Variants in RIPOR2 observed in about 807,000 individuals in gnomAD.
RIPOR2 encodes rho family-interacting cell polarization regulator 2.
A neutral mutation model predicts 114.5 loss-of-function variants in RIPOR2; 39 were observed. The ratio of observed to expected loss-of-function variants is 0.34; its 90% CI spans 0.26 to 0.44. RIPOR2 has a LOEUF of 0.44. Ranked by LOEUF, RIPOR2 falls within the 20% of genes least tolerant of loss-of-function variation. The pLI, the probability that RIPOR2 is intolerant of heterozygous loss-of-function variation, is 1.00. For synonymous variants in RIPOR2, 445 were observed against 484.4 expected (o/e 0.92, Z 1.07); for missense variants, 1,007 against 1,255.1 (o/e 0.80, Z 2.99).
chr6:24,894,811 A>G (rs927974252), intron 1 of RIPOR2, among the ~76,000 whole-genome samples: 1 of 152,228 alleles, frequency 6.6e-6, no homozygotes, highest in African/African-American at 2.4e-5. Context: ...TTTGCTATTC[A>G]GAGAGTAACA....
chr6:24,887,307 G>A (rs924367396), intron 1 of RIPOR2, among the ~76,000 whole-genome samples: 4 of 152,144 alleles, frequency 2.6e-5, no homozygotes, highest in Non-Finnish European at 1.5e-5. Flanking sequence ...TACAGGGTAA[G>A]ATACCAAAAT....
chr6:24,849,359 T>C (rs1762628911), intron 11 of RIPOR2, among the ~76,000 whole-genome samples: 1 of 152,230 alleles, frequency 6.6e-6, no homozygotes, highest in Non-Finnish European at 1.5e-5. Context: ...ACTCATAATT[T>C]TCCAGAGCAG....
At chr6:24,981,251 C>T (rs1337558911) in intron 1 of RIPOR2, among the ~76,000 whole-genome samples, 3 of 152,192 alleles carry the variant, frequency 2.0e-5, no homozygotes, top group Non-Finnish European at 2.9e-5. Context: ...TCCCAGGTTC[C>T]CTTCCCCATA....
At chr6:24,962,435 G>A (rs1272580925) in intron 1 of RIPOR2, among the ~76,000 whole-genome samples, 1 of 152,210 alleles carries the variant, frequency 6.6e-6, no homozygotes, top group Non-Finnish European at 1.5e-5. Context: ...AATAAAGCTT[G>A]CATCTAGAGC....
intron 7 of RIPOR2, among the ~76,000 whole-genome samples, 195 bp from the exon 8 acceptor site, chr6:24,861,231 G>A (rs1165198910): frequency 6.6e-6 from 1 of 152,182 alleles, no homozygotes; most frequent in Admixed American, 6.5e-5. Flanking sequence ...TTAGTGTACA[G>A]GAAATTTAGG....
chr6:24,819,490 T>TA (rs1230396283), intron 19 of RIPOR2, among the ~76,000 whole-genome samples: 1 of 151,582 alleles, frequency 6.6e-6, no homozygotes, highest in Non-Finnish European at 1.5e-5. Flanking sequence ...ATGCTCTGTT[T>TA]AAAAAATCTC....
chr6:25,004,305 C>T (rs968999468), intron 1 of RIPOR2, among the ~76,000 whole-genome samples: 4 of 152,138 alleles, frequency 2.6e-5, no homozygotes, highest in African/African-American at 9.7e-5. Flanking sequence ...GGCTTTAGAC[C>T]ACCAAAGTCA....
chr6:25,038,682 T>C (rs1037467553), intron 1 of RIPOR2, among the ~76,000 whole-genome samples: 1 of 152,132 alleles, frequency 6.6e-6, no homozygotes, highest in Admixed American at 6.5e-5. Context: ...TTAGATGAGA[T>C]TGCAGCCCCA....
chr6:24,851,521 G>A (rs1762913048), intron 9 of RIPOR2, among the ~76,000 whole-genome samples: 1 of 152,128 alleles, frequency 6.6e-6, no homozygotes, highest in Non-Finnish European at 1.5e-5. Flanking sequence ...CTGCTTTAAT[G>A]TTTAAGGGAA....
chr6:24,987,494 G>C (rs1774581143), intron 1 of RIPOR2, among the ~76,000 whole-genome samples: 1 of 152,218 alleles, frequency 6.6e-6, no homozygotes. Context: ...TCATGGAACA[G>C]AGAGGCTCAC....
At chr6:24,909,876 C>T (rs113111286) in intron 1 of RIPOR2, among the ~76,000 whole-genome samples, 2 of 152,190 alleles carry the variant, frequency 1.3e-5, no homozygotes, top group African/African-American at 4.8e-5. Flanking sequence ...GCGCCACCCC[C>T]ATCCCAGCAG....
chr6:25,000,442 A>T (rs1196902895), intron 1 of RIPOR2, among the ~76,000 whole-genome samples: 1 of 152,234 alleles, frequency 6.6e-6, no homozygotes, highest in East Asian at 1.9e-4. Flanking sequence ...TCCCTGACAC[A>T]TAGTAAGTGC....
At chr6:24,986,172 C>A (rs1469477133) in intron 1 of RIPOR2, among the ~76,000 whole-genome samples, 1 of 152,154 alleles carries the variant, frequency 6.6e-6, no homozygotes, top group Admixed American at 6.5e-5. Context: ...TGTATGTGCA[C>A]TCATTTAATC....
chr6:24,839,319 G>A lies in RIPOR2; in HGVS notation c.1858-47C>T, dbSNP rs776033455. 3.3e-6 allele frequency: 5 copies of A among 1,508,200 alleles called. No individual in the cohort carries two copies. The South Asian group carries it at 6.4e-5, about 19-fold the overall frequency. 93.4% of individuals were successfully genotyped at this position (1,508,200 alleles called of 1,614,324 possible). A position where few individuals can be genotyped will look rare whatever the true frequency, so the allele number is the denominator to read the frequency against. ...GGGAGAACATCAACATATCCGGAAA[G>A]AGAAACCAGACACACGATGCTCAAT... is the stretch of plus-strand genomic sequence containing the variant. On this transcript the variant is annotated intron_variant, in intron 13 of 21. Coordinates refer to ENST00000643898, the MANE Select transcript of RIPOR2 (RefSeq NM_001286445.3).
chr6:24,865,158 C>T, intron 7 of RIPOR2, 143 bp downstream of exon 7: 1 of 646,540 alleles, frequency 1.5e-6, no homozygotes, highest in Non-Finnish European at 2.5e-6. Flanking sequence ...TTCTTGCATA[C>T]TTTTTAGGCT....
chr6:24,845,895 AG>A (rs953730323), intron 12 of RIPOR2, among the ~76,000 whole-genome samples: 1 of 152,132 alleles, frequency 6.6e-6, no homozygotes, highest in Non-Finnish European at 1.5e-5. Context: ...TCCTGAAAGG[AG>A]GTGGTGCATT....
chr6:25,027,100 G>T (rs1400687195), intron 1 of RIPOR2, among the ~76,000 whole-genome samples: 2 of 152,104 alleles, frequency 1.3e-5, no homozygotes, highest in African/African-American at 4.8e-5. Context: ...AAACAAAAAA[G>T]CAAGCTCATT....
At chr6:25,039,807 G>C (rs190650472) in intron 1 of RIPOR2, among the ~76,000 whole-genome samples, 1 of 152,160 alleles carries the variant, frequency 6.6e-6, no homozygotes, top group Non-Finnish European at 1.5e-5. Context: ...TTTAAGGTAC[G>C]CGCAAGTAAA....
At chr6:24,923,643 G>A (rs1770658564) in intron 1 of RIPOR2, among the ~76,000 whole-genome samples, 1 of 152,044 alleles carries the variant, frequency 6.6e-6, no homozygotes, top group African/African-American at 2.4e-5. Flanking sequence ...CCAGGAGTTT[G>A]AGACCAGTCT....
Sources: gnomAD v4.1 joint callset for allele counts (sites outside exome capture counted in the v4.1 genomes callset) on GRCh38, gnomAD v4.1.1 for gene constraint, MANE v1.5 for transcripts, NCBI Gene and HGNC (gene_info 2026-07-23, HGNC 2026-07-21) for gene names.